HSD3B2: variants seen among roughly 807,000 people sequenced by gnomAD.
The protein encoded by HSD3B2 is 3 beta-hydroxysteroid dehydrogenase/Delta 5-->4-isomerase type 2.
In HSD3B2, 8 loss-of-function variants were observed where a neutral mutation model predicts 9.9. The observed-to-expected ratio is 0.81, with a 90% CI of 0.47 to 1.46. HSD3B2 has a LOEUF of 1.46. Among genes scored for constraint, HSD3B2 ranks in the 40% most tolerant of loss-of-function variants. The pLI is 0.00. For synonymous variants in HSD3B2, 221 were observed against 184.5 expected (o/e 1.20, Z -1.60); for missense variants, 410 against 448.3 (o/e 0.91, Z 0.77).
chr1:119,419,041 C>T (rs180733968), intron 2 of HSD3B2, among the ~76,000 whole-genome samples: 4 of 152,112 alleles, frequency 2.6e-5, no homozygotes, highest in Admixed American at 6.5e-5. Flanking sequence ...GATTCCTCAT[C>T]GCCTACAGAA....
chr1:119,416,034 C>T (rs928988759), intron 2 of HSD3B2, among the ~76,000 whole-genome samples: 2 of 151,588 alleles, frequency 1.3e-5, no homozygotes, highest in African/African-American at 4.9e-5. Context: ...AGTGAAGGTA[C>T]GGATGTGTGT....
At chr1:119,421,194 C>T (rs1257269860) in intron 3 of HSD3B2, among the ~76,000 whole-genome samples, 1 of 151,606 alleles carries the variant, frequency 6.6e-6, no homozygotes, top group African/African-American at 2.4e-5. Flanking sequence ...TCTTCCACTG[C>T]CCTTTCTTGC....
At chr1:119,419,713 A>G (rs1447515648) in intron 3 of HSD3B2, 131 bp downstream of exon 3, 7 of 888,378 alleles carry the variant, frequency 7.9e-6, no homozygotes, top group African/African-American at 5.0e-5. Context: ...GCTGATCACT[A>G]CTGACTGGGG....
Position 119,421,443 on chromosome 1 carries a change from ATATATATATG to A in HSD3B2, c.308-356_308-347del, listed in dbSNP as rs1557869488. The stretch of plus-strand genomic sequence containing the variant: ...TATATATATGTATATATATATATGT[ATATATATATG>A]TATATATATATGTATATATATATGT... On this transcript the variant is annotated intron_variant, in intron 3 of 3. Transcript: ENST00000369416. Among the ~76,000 whole-genome samples, 77 of 91,192 alleles carry A rather than the reference ATATATATATG, an allele frequency of 8.4e-4. 2 individuals are homozygous for A. Among genetic ancestry groups the A allele is most frequent in the African/African-American group, 6.3e-3 (67 of 10,664 alleles). 59.8% of individuals were successfully genotyped at this position (91,192 alleles called of 152,430 possible).
chr1:119,419,536 C>A lies in HSD3B2; in HGVS notation c.261C>A (p.Val87=), dbSNP rs1651803406. The change falls in exon 3 of 4, where the codon GTC becomes GTA. Residue 87 remains valine (V), a synonymous_variant. Transcript: ENST00000369416. Reference sequence around the variant, plus strand: ...TCCACACCGCCTGTATCATTGATGTCTTTGGTGTCACTCACAGAGAGTCCA... The same window carrying A: ...TCCACACCGCCTGTATCATTGATGTATTTGGTGTCACTCACAGAGAGTCCA... The part of the protein sequence containing the change: ...VVIHTACIID[V]FGVTHRESIM... 1.9e-6 allele frequency: 3 copies of A among 1,613,864 alleles called. No individual in the cohort carries two copies. The highest frequency in any genetic ancestry group is 2.5e-6 in the Non-Finnish European group (3 of 1,179,830).
In HSD3B2 at chr1:119,419,434, C is replaced by A. The variant is rs1570819751; in HGVS notation, c.159C>A (p.Thr53=). 1 of 1,613,676 alleles carries A rather than the reference C, an allele frequency of 6.2e-7. No homozygotes were observed. The highest frequency in any genetic ancestry group is 2.2e-5 in the East Asian group (1 of 44,840). ...TTCACACAGAGCTCCAGAACAGGAC[C>A]AAGCTGACTGTACTTGAAGGAGACA... is the stretch of plus-strand genomic sequence containing the variant. The part of the protein sequence containing the change: ...REEFSKLQNR[T]KLTVLEGDIL... The change falls in exon 3 of 4, where the codon ACC becomes ACA. Residue 53 remains threonine (T), a synonymous_variant. Transcript: ENST00000369416.
In HSD3B2 at chr1:119,422,158, A is replaced by G. The variant is rs764274511; in HGVS notation, c.657A>G (p.Thr219=). 6 of 1,614,102 alleles carry G rather than the reference A, an allele frequency of 3.7e-6. No homozygotes were observed. Among genetic ancestry groups the G allele is most frequent in the Middle Eastern group, 1.7e-4 (1 of 6,060 alleles). ...GILSSVGKFS[T]VNPVYVGNVA... ...TGTCAAGTGTTGGAAAGTTCTCTAC[A>G]GTCAACCCAGTCTATGTTGGCAACG... The change falls in exon 4 of 4, where the codon ACA becomes ACG. Residue 219 remains threonine (T), a synonymous_variant. Transcript: ENST00000369416.
At chr1:119,421,514 C>T (rs1474269266) in intron 3 of HSD3B2, among the ~76,000 whole-genome samples, 7 of 139,866 alleles carry the variant, frequency 5.0e-5, no homozygotes, top group African/African-American at 1.3e-4. Flanking sequence ...TATATATACA[C>T]ACACGTATAC....
Position 119,422,302 on chromosome 1 carries a change from TA to T in HSD3B2, c.803del (p.Asn268IlefsTer4). 2 of 1,614,096 alleles carry T rather than the reference TA, an allele frequency of 1.2e-6. No individual in the cohort carries two copies. Among genetic ancestry groups the T allele is most frequent in the Non-Finnish European group, 1.7e-6 (2 of 1,179,990 alleles). ...DTPHQSYDNL[N>X]YILSKEFGLR... ...CGCCTCACCAAAGCTATGATAACCT[TA>T]ATTACATCCTGAGCAAAGAGTTTGG... On this transcript the variant is annotated frameshift_variant, in exon 4 of 4. Coordinates refer to ENST00000369416, the MANE Select transcript of HSD3B2 (RefSeq NM_000198.4). LOFTEE classifies it low-confidence loss of function (END_TRUNC).
At chr1:119,418,332 C>A (rs1651764410) in intron 2 of HSD3B2, among the ~76,000 whole-genome samples, 1 of 152,162 alleles carries the variant, frequency 6.6e-6, no homozygotes, top group Non-Finnish European at 1.5e-5. Flanking sequence ...CCCAGTTGCC[C>A]AAGCAGGAAA....
chr1:119,419,889 C>A, intron 3 of HSD3B2: 1 of 375,056 alleles, frequency 2.7e-6, no homozygotes, highest in Non-Finnish European at 5.0e-6. Flanking sequence ...TACTGTGGCC[C>A]CAATCAAAAG....
rs754135008 is a variant in HSD3B2 at position 119,422,935 on chromosome 1, T to TC, written c.*319dup. ...CTCTTTTGACTAATAGAGCTCCATT[T>TC]CCCCTCTTAAATGAGAAAGCATTTC... On this transcript the variant is annotated 3_prime_UTR_variant, in exon 4 of 4. Transcript: ENST00000369416. The TC allele has an allele frequency of 1.2e-5, 6 of 485,456 alleles. No individual in the cohort carries two copies. The highest frequency in any genetic ancestry group is 2.2e-5 in the Non-Finnish European group (6 of 268,922). 30.1% of individuals were successfully genotyped at this position (485,456 alleles called of 1,614,324 possible).
At chr1:119,420,718 TA>T (rs1388802459) in intron 3 of HSD3B2, among the ~76,000 whole-genome samples, 1 of 152,122 alleles carries the variant, frequency 6.6e-6, no homozygotes, top group Non-Finnish European at 1.5e-5. Context: ...AATAAGTAAA[TA>T]AAAATGATCC....
chr1:119,419,690 G>A, intron 3 of HSD3B2, 108 bp downstream of exon 3: 1 of 1,110,860 alleles, frequency 9.0e-7, no homozygotes, highest in Non-Finnish European at 1.3e-6. Flanking sequence ...TGAGCTCTTG[G>A]CCAAGTGCCT....
At chr1:119,418,436 C>T (rs1418009619) in intron 2 of HSD3B2, among the ~76,000 whole-genome samples, 2 of 151,992 alleles carry the variant, frequency 1.3e-5, no homozygotes, top group East Asian at 3.9e-4. Flanking sequence ...ACCTGGAGTG[C>T]ATCTCTCCCC....
chr1:119,416,315 TA>T (rs947824338), intron 2 of HSD3B2, among the ~76,000 whole-genome samples: 6 of 151,238 alleles, frequency 4.0e-5, no homozygotes, highest in African/African-American at 7.3e-5. Flanking sequence ...ATAGCCTTTT[TA>T]AAAAAAAACC....
chr1:119,417,849 G>A (rs1423229138), intron 2 of HSD3B2, among the ~76,000 whole-genome samples: 3 of 152,130 alleles, frequency 2.0e-5, no homozygotes, highest in Admixed American at 6.6e-5. Flanking sequence ...TACAAAAATG[G>A]CAGGTGGAAT....
chr1:119,421,038 C>A (rs1171759868), intron 3 of HSD3B2, among the ~76,000 whole-genome samples: 1 of 152,208 alleles, frequency 6.6e-6, no homozygotes, highest in Non-Finnish European at 1.5e-5. Context: ...CCACAACCCA[C>A]TGTTTGCTCG....
In HSD3B2 at chr1:119,422,870, G is replaced by A; in HGVS notation, c.*250G>A. 1 of 574,610 alleles carries A rather than the reference G, an allele frequency of 1.7e-6. No homozygotes were observed. Among genetic ancestry groups the A allele is most frequent in the Non-Finnish European group, 3.1e-6 (1 of 321,928 alleles). 35.6% of individuals were successfully genotyped at this position (574,610 alleles called of 1,614,324 possible). On this transcript the variant is annotated 3_prime_UTR_variant, in exon 4 of 4. Coordinates refer to ENST00000369416, the MANE Select transcript of HSD3B2 (RefSeq NM_000198.4). Reference sequence around the variant, plus strand: ...GATTTGCTGTTACCAAATCTCAGTGGCTGATTCTGAACAATTGTGGTCTCT... The same window carrying A: ...GATTTGCTGTTACCAAATCTCAGTGACTGATTCTGAACAATTGTGGTCTCT...
Sources: allele counts gnomAD v4.1 joint callset (sites outside exome capture counted in the v4.1 genomes callset), GRCh38; gene constraint gnomAD v4.1.1; transcripts MANE v1.5; gene names NCBI Gene and HGNC (gene_info 2026-07-23, HGNC 2026-07-21).